CLCN7: variants seen among roughly 807,000 people sequenced by gnomAD.
CLCN7 encodes H(+)/Cl(-) exchange transporter 7.
In CLCN7, 60 loss-of-function variants were observed where a neutral mutation model predicts 102.1. That is an observed-to-expected ratio of 0.59 (90% CI 0.48 to 0.73). The LOEUF (loss-of-function observed/expected upper bound fraction) is 0.73, where lower values mean the gene tolerates loss of function less well. CLCN7 is among the 30% of genes least tolerant of loss of function. The pLI is 0.00. For synonymous variants in CLCN7, 560 were observed against 490.5 expected (o/e 1.14, Z -1.87); for missense variants, 962 against 1,125.7 (o/e 0.85, Z 2.08).
At chr16:1,464,792 C>T (rs567320766) in intron 2 of CLCN7, among the ~76,000 whole-genome samples, 7 of 152,224 alleles carry the variant, frequency 4.6e-5, no homozygotes, top group South Asian at 2.1e-4. Context: ...GCCTCACCAG[C>T]GGCTGGGGGA....
In CLCN7 at chr16:1,458,654, A is replaced by G. The variant is rs561950566; in HGVS notation, c.675+453T>C. On this transcript the variant is annotated intron_variant, in intron 7 of 24. Transcript: ENST00000382745. ...TCAGGCTAAGGAACGATGGCGGCACAGACAGAAGCAACCACAGCGGAACTG... is the reference window on the plus strand; with the variant it reads ...TCAGGCTAAGGAACGATGGCGGCACGGACAGAAGCAACCACAGCGGAACTG... Among the ~76,000 whole-genome samples the G allele has an allele frequency of 2.0e-5, 3 of 152,352 alleles. No individual in the cohort carries two copies. The South Asian group carries it at 6.2e-4, about 32-fold the overall frequency.
intron 1 of CLCN7, among the ~76,000 whole-genome samples, chr16:1,470,896 G>A (rs992834131): frequency 5.3e-5 from 8 of 152,146 alleles, no homozygotes; most frequent in Non-Finnish European, 7.4e-5. Context: ...AGTTCCCAGG[G>A]ATGTCCTGCA....
intron 1 of CLCN7, among the ~76,000 whole-genome samples, chr16:1,468,928 C>T (rs554769863): frequency 7.0e-4 from 107 of 152,030 alleles, no homozygotes; most frequent in South Asian, 6.8e-3. Flanking sequence ...CAGTGGCTCA[C>T]GCCTGTAATC....
chr16:1,456,790 G>A (rs565216293), intron 9 of CLCN7, among the ~76,000 whole-genome samples: 1 of 150,760 alleles, frequency 6.6e-6, no homozygotes, highest in African/African-American at 2.4e-5. Context: ...GCAGTGAGCT[G>A]AGATTGTACC....
intron 10 of CLCN7, 55 bp downstream of exon 10, chr16:1,456,058 C>A: frequency 1.4e-6 from 2 of 1,403,214 alleles, no homozygotes; most frequent in Non-Finnish European, 2.0e-6. Context: ...GGAGACCGTT[C>A]CTTCCAACAC....
intron 21 of CLCN7, among the ~76,000 whole-genome samples, chr16:1,448,063 C>T (rs1046503244): frequency 3.9e-5 from 6 of 152,214 alleles, no homozygotes; most frequent in African/African-American, 1.4e-4. Context: ...ACAGCAGTGG[C>T]CGAGCTGTGT....
Position 1,450,677 on chromosome 16 carries a change from A to C in CLCN7, c.1448-11T>G. On this transcript the variant is annotated splice_polypyrimidine_tract_variant and intron_variant, in intron 16 of 24. Coordinates refer to ENST00000382745, the MANE Select transcript of CLCN7 (RefSeq NM_001287.6). ...GGGGGTTGTAGGAGCCTAGGAGAGAAGAGGGGCTGACGGGGCCTCCACGAC... is the reference window on the plus strand; with the variant it reads ...GGGGGTTGTAGGAGCCTAGGAGAGACGAGGGGCTGACGGGGCCTCCACGAC... 19 of 1,596,214 alleles carry C rather than the reference A, an allele frequency of 1.2e-5. No homozygotes were observed. Among genetic ancestry groups the C allele is most frequent in the Non-Finnish European group, 1.6e-5 (19 of 1,170,780 alleles).
chr16:1,460,758 G>A (rs897216641), intron 5 of CLCN7, 58 bp downstream of exon 5: 3 of 1,612,184 alleles, frequency 1.9e-6, no homozygotes, highest in African/African-American at 2.7e-5. Context: ...TTCTGCCCGG[G>A]ACTCGGCCCA....
At chr16:1,474,265 G>A (rs2039119158) in intron 1 of CLCN7, 1 of 453,830 alleles carries the variant, frequency 2.2e-6, no homozygotes, top group Non-Finnish European at 4.4e-6. Flanking sequence ...GGTGCGAAGG[G>A]AGACTGAGTA....
At chr16:1,465,546 C>T (rs970702608) in intron 1 of CLCN7, among the ~76,000 whole-genome samples, 39 of 152,328 alleles carry the variant, frequency 2.6e-4, no homozygotes, top group Admixed American at 1.1e-3. Context: ...GGCTGCCCCT[C>T]GGCCTGTCAG....
Position 1,446,662 on chromosome 16 carries a change from CCT to C in CLCN7, c.2385_2386del (p.Gly796LeufsTer130), listed in dbSNP as rs2142364275. 4 of 1,583,258 alleles carry C rather than the reference CCT, an allele frequency of 2.5e-6. No individual in the cohort carries two copies. Among genetic ancestry groups the C allele is most frequent in the Non-Finnish European group, 1.7e-6 (2 of 1,164,698 alleles). ...CTGGGCCAGCGAGAGCTCCTCCAAGCCTCTCTTTCCCAGGCGGTACCTGGCGA... is the reference window on the plus strand; with the variant it reads ...CTGGGCCAGCGAGAGCTCCTCCAAGCCTCTTTCCCAGGCGGTACCTGGCGA... On this transcript the variant is annotated frameshift_variant, in exon 25 of 25. Coordinates refer to ENST00000382745, the MANE Select transcript of CLCN7 (RefSeq NM_001287.6). LOFTEE classifies it high-confidence loss of function.
rs553977226 is a variant in CLCN7 at position 1,454,426 on chromosome 16, C to T, written c.1138G>A (p.Ala380Thr). ...YTIHEIPVFIAMGVVGGVLGA... is the reference protein window; with the variant it reads ...YTIHEIPVFITMGVVGGVLGA... ...AAGCCCTTACCCACCACGCCCATGG[C>T]GATGAAGACCGGGATCTCGTGGATC... is the stretch of plus-strand genomic sequence containing the variant. The change falls in exon 13 of 25, where the codon GCC becomes ACC. Residue 380 changes from alanine to threonine, a missense_variant. Physicochemically the swap from Ala to Thr is moderately conservative, Grantham distance 58. Transcript: ENST00000382745. The T allele has an allele frequency of 3.8e-5, 62 of 1,613,652 alleles. No individual in the cohort carries two copies. The South Asian group carries it at 4.8e-4, about 13-fold the overall frequency.
chr16:1,474,745 C>G, intron 1 of CLCN7, 89 bp downstream of exon 1: 1 of 1,123,794 alleles, frequency 8.9e-7, no homozygotes, highest in African/African-American at 1.7e-5. Flanking sequence ...AGGACCGAGA[C>G]ACGCGGCGCC....
chr16:1,448,245 T>A, intron 21 of CLCN7, 110 bp downstream of exon 21: 1 of 1,438,304 alleles, frequency 7.0e-7, no homozygotes, highest in Non-Finnish European at 9.6e-7. Context: ...GAACTGCCAG[T>A]GCACCCAAAC....
intron 12 of CLCN7, among the ~76,000 whole-genome samples, 197 bp from the exon 13 acceptor site, chr16:1,454,662 TGG>T: frequency 6.6e-6 from 1 of 152,002 alleles, no homozygotes; most frequent in South Asian, 2.1e-4. Flanking sequence ...CCTGGCGGGG[TGG>T]CCAGCGAGGC....
chr16:1,448,697 G>A lies in CLCN7; in HGVS notation c.1867C>T (p.His623Tyr), dbSNP rs1183455019. 1.2e-6 allele frequency: 2 copies of A among 1,612,740 alleles called. No homozygotes were observed. The highest frequency in any genetic ancestry group is 3.3e-5 in the Admixed American group (2 of 60,024). ...GCGCTGTACCTGGCAGTGAGTGAGTGTGAGGTGACCGGGGCCTCCCAGTGC... is the reference window on the plus strand; with the variant it reads ...GCGCTGTACCTGGCAGTGAGTGAGTATGAGGTGACCGGGGCCTCCCAGTGC... ...FLHWEAPVTSHSLTAREVMST... is the reference protein window; with the variant it reads ...FLHWEAPVTSYSLTAREVMST... The change falls in exon 20 of 25, where the codon CAC becomes TAC. Residue 623 changes from histidine (H) to tyrosine (Y), a missense_variant. His to Tyr is a moderately conservative substitution (Grantham distance 83). Coordinates refer to ENST00000382745, the MANE Select transcript of CLCN7 (RefSeq NM_001287.6).
At chr16:1,465,033 T>C (rs1470403384) in intron 2 of CLCN7, among the ~76,000 whole-genome samples, 1 of 152,090 alleles carries the variant, frequency 6.6e-6, no homozygotes, top group Non-Finnish European at 1.5e-5. Context: ...GCCCATGCTG[T>C]CACTGCTGTC....
At chr16:1,469,602 C>A (rs1286830933) in intron 1 of CLCN7, among the ~76,000 whole-genome samples, 1 of 152,210 alleles carries the variant, frequency 6.6e-6, no homozygotes, top group Non-Finnish European at 1.5e-5. Flanking sequence ...AGGAGAATCA[C>A]TTGAACCCAA....
chr16:1,459,074 C>T (rs1476855605), intron 7 of CLCN7, 33 bp downstream of exon 7: 1 of 1,576,060 alleles, frequency 6.3e-7, no homozygotes, highest in East Asian at 2.3e-5. Context: ...AGCGGGCGCC[C>T]ACCCTGCCCA....
Sources: allele counts gnomAD v4.1 joint callset (sites outside exome capture counted in the v4.1 genomes callset), GRCh38; gene constraint gnomAD v4.1.1; transcripts MANE v1.5; gene names NCBI Gene and HGNC (gene_info 2026-07-23, HGNC 2026-07-21).